The following MAGI1 variants were observed in gnomAD, a reference collection of about 807,000 sequenced individuals.
MAGI1 encodes membrane-associated guanylate kinase, WW and PDZ domain-containing protein 1.
MAGI1 carries 58 observed loss-of-function variants against 139.9 expected under a neutral mutation model. The observed-to-expected ratio is 0.41, with a 90% CI of 0.34 to 0.52. MAGI1 has a LOEUF of 0.52. MAGI1 is among the 20% of genes least tolerant of loss of function. MAGI1 has a pLI of 0.12. For missense variants in MAGI1, 1,874 were observed against 1,901.6 expected, an observed-to-expected ratio of 0.99 and a Z score of 0.27; for synonymous variants, 812 against 737.9, an observed-to-expected ratio of 1.10 and a Z score of -1.63.
At chr3:65,558,183 T>A (rs978291721) in intron 2 of MAGI1, among the ~76,000 whole-genome samples, 1 of 149,024 alleles carries the variant, frequency 6.7e-6, no homozygotes, top group African/African-American at 2.4e-5. Flanking sequence ...GTAGAGGCTA[T>A]CAATACCCAA....
intron 1 of MAGI1, among the ~76,000 whole-genome samples, chr3:66,010,408 T>C (rs915617547): frequency 1.3e-5 from 2 of 152,140 alleles, no homozygotes; most frequent in Non-Finnish European, 2.9e-5. Flanking sequence ...CTAGGTCTCC[T>C]TGAACTACGG....
intron 2 of MAGI1, among the ~76,000 whole-genome samples, chr3:65,606,145 T>C (rs2082726902): frequency 4.6e-5 from 7 of 152,162 alleles, no homozygotes. Context: ...GATAATACTA[T>C]TGTCCCAATT....
chr3:65,801,970 T>C (rs1480275363), intron 1 of MAGI1, among the ~76,000 whole-genome samples: 1 of 152,054 alleles, frequency 6.6e-6, no homozygotes, highest in Non-Finnish European at 1.5e-5. Context: ...ATGAAACCTA[T>C]TTTGAACTGC....
In MAGI1 at chr3:65,648,316, T is replaced by TGTGTGC. The variant is rs71102873; in HGVS notation, c.314-26229_314-26228insGCACAC. Among the ~76,000 whole-genome samples the TGTGTGC allele has an allele frequency of 2.8e-3, 407 of 143,156 alleles. 1 individual carries two copies. Among genetic ancestry groups the TGTGTGC allele is most frequent in the African/African-American group, 9.1e-3 (355 of 39,178 alleles). The allele number at this position is 143,156 out of a possible 152,430, so 93.9% of individuals were successfully genotyped here. On this transcript the variant is annotated intron_variant, in intron 1 of 22. Coordinates refer to ENST00000402939, the MANE Select transcript of MAGI1 (RefSeq NM_001033057.2). Reference sequence around the variant, plus strand: ...GTGTGTGTGTGTGTGTGTGTGTGTGTGCGCGTGCGCGTGCACACAGACAGG... The same window carrying TGTGTGC: ...GTGTGTGTGTGTGTGTGTGTGTGTGTGTGTGCGCGCGTGCGCGTGCACACAGACAGG...
chr3:65,644,418 A>C (rs1253194271), intron 1 of MAGI1, among the ~76,000 whole-genome samples: 22 of 146,822 alleles, frequency 1.5e-4, no homozygotes, highest in African/African-American at 4.7e-4. Flanking sequence ...CCTCAGCCCA[A>C]AAAAAAAAAA....
intron 13 of MAGI1, 63 bp downstream of exon 13, chr3:65,401,376 A>ACCCCCCACCCCCCCC: frequency 2.5e-6 from 1 of 406,704 alleles, no homozygotes; most frequent in Non-Finnish European, 4.4e-6. Flanking sequence ...GTACCCTCCC[A>ACCCCCCACCCCCCCC]CCTCCAGCCC....
intron 18 of MAGI1, among the ~76,000 whole-genome samples, chr3:65,370,094 TC>T (rs1941840199): frequency 6.6e-6 from 1 of 152,176 alleles, no homozygotes; most frequent in South Asian, 2.1e-4. Flanking sequence ...CTCCTGGATC[TC>T]CCACATCTTT....
intron 12 of MAGI1, among the ~76,000 whole-genome samples, chr3:65,402,452 A>G (rs1944974292): frequency 6.6e-6 from 1 of 152,134 alleles, no homozygotes; most frequent in African/African-American, 2.4e-5. Context: ...AGGAAAATAA[A>G]GCGTACACTG....
At chr3:65,528,610 T>C (rs2078496452) in intron 2 of MAGI1, among the ~76,000 whole-genome samples, 2 of 152,222 alleles carry the variant, frequency 1.3e-5, no homozygotes, top group African/African-American at 4.8e-5. Context: ...TTGTGATCAT[T>C]TCAATTTGAT....
chr3:65,770,163 C>T (rs2037831775), intron 1 of MAGI1, among the ~76,000 whole-genome samples: 1 of 152,184 alleles, frequency 6.6e-6, no homozygotes, highest in Admixed American at 6.5e-5. Context: ...ATTTTAGACT[C>T]CTGCCTGCGG....
In MAGI1 at chr3:65,900,790, C is replaced by T. The variant is rs115790614; in HGVS notation, c.313+137206G>A. 5.0e-3 allele frequency among the ~76,000 whole-genome samples: 756 copies of T among 152,324 alleles called. 3 individuals are homozygous for T. The highest frequency in any genetic ancestry group is 7.2e-3 in the Non-Finnish European group (492 of 68,034). Reference sequence around the variant, plus strand: ...CCATTACGCTGGCCACAGGTGCAGACATCTGACCTATTATGAACCATTGAG... The same window carrying T: ...CCATTACGCTGGCCACAGGTGCAGATATCTGACCTATTATGAACCATTGAG... On this transcript the variant is annotated intron_variant, in intron 1 of 22. Coordinates refer to ENST00000402939, the MANE Select transcript of MAGI1 (RefSeq NM_001033057.2).
At chr3:65,554,030 T>A (rs2079973746) in intron 2 of MAGI1, among the ~76,000 whole-genome samples, 1 of 152,226 alleles carries the variant, frequency 6.6e-6, no homozygotes, top group South Asian at 2.1e-4. Flanking sequence ...TTTTTTCTCC[T>A]AATCAACCCC....
At chr3:65,416,514 C>A (rs1390761178) in intron 12 of MAGI1, among the ~76,000 whole-genome samples, 1 of 152,128 alleles carries the variant, frequency 6.6e-6, no homozygotes, top group African/African-American at 2.4e-5. Context: ...TGTGATTAAC[C>A]ACACTGTATT....
chr3:65,730,296 T>TA (rs752000375), intron 1 of MAGI1, among the ~76,000 whole-genome samples: 12 of 151,382 alleles, frequency 7.9e-5, no homozygotes, highest in East Asian at 1.9e-4. Context: ...AACAATGCTA[T>TA]AAAAAAAAAT....
At chr3:65,628,415 G>C (rs929703805) in intron 1 of MAGI1, among the ~76,000 whole-genome samples, 1 of 151,816 alleles carries the variant, frequency 6.6e-6, no homozygotes, top group Non-Finnish European at 1.5e-5. Context: ...GAGAAAATCG[G>C]GTGTAAGTTT....
At chr3:65,664,592 A>T (rs1285552627) in intron 1 of MAGI1, among the ~76,000 whole-genome samples, 2 of 152,192 alleles carry the variant, frequency 1.3e-5, no homozygotes, top group Non-Finnish European at 2.9e-5. Flanking sequence ...GTCAATCTTC[A>T]CTATTAACAG....
At chr3:65,940,194 GA>G (rs2063241165) in intron 1 of MAGI1, among the ~76,000 whole-genome samples, 1 of 152,174 alleles carries the variant, frequency 6.6e-6, no homozygotes, top group Admixed American at 6.5e-5. Flanking sequence ...AAGCAAAGCA[GA>G]GAGCGCTTAG....
intron 1 of MAGI1, among the ~76,000 whole-genome samples, chr3:65,824,327 T>A (rs939633313): frequency 1.3e-5 from 2 of 152,136 alleles, no homozygotes; most frequent in African/African-American, 4.8e-5. Flanking sequence ...TGCTTTCACA[T>A]CACATCTGGC....
intron 1 of MAGI1, among the ~76,000 whole-genome samples, chr3:65,825,593 T>C (rs1252083229): frequency 6.6e-6 from 1 of 151,476 alleles, no homozygotes; most frequent in Admixed American, 6.6e-5. Flanking sequence ...AAATAAATTA[T>C]GGCACAGTTA....
Sources: allele counts gnomAD v4.1 joint callset (sites outside exome capture counted in the v4.1 genomes callset), GRCh38; gene constraint gnomAD v4.1.1; transcripts MANE v1.5; gene names NCBI Gene and HGNC (gene_info 2026-07-23, HGNC 2026-07-21).